The following ATP8B1 variants were observed in gnomAD, a reference collection of about 807,000 sequenced individuals.
The protein encoded by ATP8B1 is ATPase phospholipid transporting 8B1, also known as phospholipid-transporting ATPase IC.
Under a neutral mutation model 149.9 loss-of-function variants are expected in ATP8B1, and 80 were observed. The observed-to-expected ratio is 0.53, with a 90% confidence interval of 0.45 to 0.64. The LOEUF (loss-of-function observed/expected upper bound fraction) is 0.64, where lower values mean the gene tolerates loss of function less well. Among genes scored for constraint, ATP8B1 ranks in the 30% least tolerant of loss-of-function variants. The pLI is 0.00. For synonymous variants in ATP8B1, 536 were observed against 562.8 expected (o/e 0.95, Z 0.67); for missense variants, 1,247 against 1,552.6 (o/e 0.80, Z 3.31).
rs538653392 is a variant in ATP8B1, at chr18:57,732,367, A to G, written c.-25-535T>C. Among the ~76,000 whole-genome samples the G allele has an allele frequency of 4.8e-5, 7 of 146,622 alleles. 1 individual carries two copies. Among genetic ancestry groups the G allele is most frequent in the African/African-American group, 1.5e-4 (6 of 40,104 alleles). On this transcript the variant is annotated intron_variant, in intron 1 of 27. Coordinates refer to ENST00000648908, the MANE Select transcript of ATP8B1 (RefSeq NM_001374385.1). ...TATGTATATATGTGTATATATATGTATATATATATTCAAGGCAATATTTCA... is the reference window on the plus strand; with the variant it reads ...TATGTATATATGTGTATATATATGTGTATATATATTCAAGGCAATATTTCA...
At chr18:57,761,242 G>A (rs1047830566) in intron 1 of ATP8B1, among the ~76,000 whole-genome samples, 1 of 152,134 alleles carries the variant, frequency 6.6e-6, no homozygotes, top group Non-Finnish European at 1.5e-5. Context: ...CACCCAGACT[G>A]TGTTGTTGTT....
chr18:57,752,679 A>T (rs1026714579), intron 1 of ATP8B1, among the ~76,000 whole-genome samples: 1 of 152,216 alleles, frequency 6.6e-6, no homozygotes, highest in Non-Finnish European at 1.5e-5. Flanking sequence ...TGAAGTTTTC[A>T]AGTGAAAAAC....
intron 2 of ATP8B1, among the ~76,000 whole-genome samples, chr18:57,725,022 A>C (rs1463573559): frequency 8.8e-6 from 1 of 114,236 alleles, no homozygotes; most frequent in African/African-American, 3.5e-5. Flanking sequence ...AACACCGCAT[A>C]TTCTCACTCA....
chr18:57,760,988 CAAATAAAATA>C (rs56052214), intron 1 of ATP8B1, among the ~76,000 whole-genome samples: 41,938 of 138,764 alleles, frequency 0.3, 7,376 homozygotes, highest in Non-Finnish European at 0.4. Flanking sequence ...GACTCTGTCT[CAAATAAAATA>C]AAATAAAATA....
chr18:57,730,966 A>T (rs1021831042), intron 2 of ATP8B1, among the ~76,000 whole-genome samples: 1 of 152,160 alleles, frequency 6.6e-6, no homozygotes, highest in Non-Finnish European at 1.5e-5. Flanking sequence ...GTGCAGTAAC[A>T]TGCAGATTCT....
At chr18:57,675,881 A>AT (rs981550079) in intron 15 of ATP8B1, among the ~76,000 whole-genome samples, 8 of 151,848 alleles carry the variant, frequency 5.3e-5, no homozygotes, top group South Asian at 2.1e-4. Flanking sequence ...AATTTTTTGT[A>AT]TTTTTTGTAG....
rs1473257768 is a variant in ATP8B1 at position 57,791,346 on chromosome 18, C to CTTTTTTTTTTTTTTTTT, written c.-26+11651_-26+11652insAAAAAAAAAAAAAAAAA. Among the ~76,000 whole-genome samples, 4 of 124,976 alleles carry CTTTTTTTTTTTTTTTTT rather than the reference C, an allele frequency of 3.2e-5. 1 individual carries two copies. Among genetic ancestry groups the CTTTTTTTTTTTTTTTTT allele is most frequent in the African/African-American group, 1.4e-4 (4 of 29,538 alleles). 82.0% of individuals were successfully genotyped at this position (124,976 alleles called of 152,430 possible). A position where few individuals can be genotyped will look rare whatever the true frequency, so the allele number is the denominator to read the frequency against. ...TTCCTTCCTTTTTTCTTTTTCTTTT[C>CTTTTTTTTTTTTTTTTT]TTTTCTTTTTTTTTTTTTTTTTGAG... On this transcript the variant is annotated intron_variant, in intron 1 of 27. Coordinates refer to ENST00000648908, the MANE Select transcript of ATP8B1 (RefSeq NM_001374385.1).
intron 12 of ATP8B1, among the ~76,000 whole-genome samples, 179 bp downstream of exon 12, chr18:57,691,628 G>C (rs1160147530): frequency 6.6e-6 from 1 of 152,188 alleles, no homozygotes; most frequent in East Asian, 1.9e-4. Context: ...CTGGCACAGA[G>C]TGGATACTCA....
At chr18:57,725,262 G>T (rs201487873) in intron 2 of ATP8B1, among the ~76,000 whole-genome samples, 303 of 141,330 alleles carry the variant, frequency 2.1e-3, no homozygotes, top group East Asian at 8.9e-3. Context: ...AAAAAAAAAA[G>T]AAAAAAAATA....
At chr18:57,749,160 G>T (rs1447051304) in intron 1 of ATP8B1, among the ~76,000 whole-genome samples, 3 of 152,124 alleles carry the variant, frequency 2.0e-5, no homozygotes, top group African/African-American at 7.2e-5. Flanking sequence ...ATCAATGTTT[G>T]CTTCCCCTTT....
intron 2 of ATP8B1, among the ~76,000 whole-genome samples, chr18:57,711,997 G>A (rs901411084): frequency 6.6e-6 from 1 of 151,350 alleles, no homozygotes; most frequent in African/African-American, 2.4e-5. Context: ...TCATTTACAT[G>A]TATTACTGTT....
At chr18:57,715,684 G>A (rs2079577023) in intron 2 of ATP8B1, among the ~76,000 whole-genome samples, 1 of 152,156 alleles carries the variant, frequency 6.6e-6, no homozygotes, top group African/African-American at 2.4e-5. Context: ...ACTTTTCAGT[G>A]GAAACCTTAT....
At chr18:57,778,483 C>G (rs2571242) in intron 1 of ATP8B1, among the ~76,000 whole-genome samples, 101,848 of 151,950 alleles carry the variant, frequency 0.67, 34,499 homozygotes, top group African/African-American at 0.75. Context: ...GCCCGCCTCG[C>G]CCTCCCAAAG....
intron 1 of ATP8B1, among the ~76,000 whole-genome samples, chr18:57,768,606 T>C (rs986721075): frequency 2.1e-5 from 2 of 93,178 alleles, no homozygotes; most frequent in African/African-American, 7.7e-5. Context: ...AAAAAAAAGC[T>C]AAGCTTTTAA....
chr18:57,744,231 C>G (rs1019794502), intron 1 of ATP8B1, among the ~76,000 whole-genome samples: 1 of 145,918 alleles, frequency 6.9e-6, no homozygotes, highest in Non-Finnish European at 1.5e-5. Context: ...AGGAGAATCG[C>G]TTGAACCCGG....
At chr18:57,793,169 G>A in intron 1 of ATP8B1, among the ~76,000 whole-genome samples, 1 of 152,108 alleles carries the variant, frequency 6.6e-6, no homozygotes, top group East Asian at 1.9e-4. Context: ...TTGCGACCCA[G>A]GTTCTGCTGA....
intron 1 of ATP8B1, among the ~76,000 whole-genome samples, chr18:57,738,232 A>G (rs2079878024): frequency 6.6e-6 from 1 of 152,242 alleles, no homozygotes; most frequent in South Asian, 2.1e-4. Context: ...AGCATCCAGT[A>G]AACACCTGCA....
At chr18:57,766,667 C>CTCT (rs2123354559) in intron 1 of ATP8B1, among the ~76,000 whole-genome samples, 1 of 152,328 alleles carries the variant, frequency 6.6e-6, no homozygotes, top group African/African-American at 2.4e-5. Flanking sequence ...GGGTCCAAGA[C>CTCT]TCTTCATTTC....
At chr18:57,656,462 T>G (rs1263966380) in intron 22 of ATP8B1, among the ~76,000 whole-genome samples, 2 of 151,146 alleles carry the variant, frequency 1.3e-5, no homozygotes, top group Non-Finnish European at 2.9e-5. Context: ...CTTGGCTCAC[T>G]GCAACCTCTG....
Sources: gnomAD v4.1 joint callset for allele counts (sites outside exome capture counted in the v4.1 genomes callset) on GRCh38, gnomAD v4.1.1 for gene constraint, MANE v1.5 for transcripts, NCBI Gene and HGNC (gene_info 2026-07-23, HGNC 2026-07-21) for gene names.